The following LRMDA variants were observed in gnomAD, a reference collection of about 807,000 sequenced individuals.
The protein encoded by LRMDA is leucine rich melanocyte differentiation associated, also known as leucine-rich melanocyte differentiation-associated protein.
In LRMDA, 18 loss-of-function variants were observed where a neutral mutation model predicts 29.8. The ratio of observed to expected loss-of-function variants is 0.60; its 90% confidence interval spans 0.42 to 0.90. The LOEUF is 0.90. LRMDA is among the 40% of genes least tolerant of loss of function. LRMDA has a pLI of 0.00. For synonymous variants in LRMDA, 125 were observed against 109.4 expected (o/e 1.14, Z -0.89); for missense variants, 273 against 273.9 (o/e 1.00, Z 0.02).
intron 6 of LRMDA, among the ~76,000 whole-genome samples, chr10:76,430,955 A>G (rs1451508514): frequency 2.0e-5 from 3 of 152,148 alleles, no homozygotes; most frequent in African/African-American, 7.2e-5. Context: ...TTTCCTAATG[A>G]ATTAAAAACC....
chr10:76,012,429 T>G (rs969067310), intron 2 of LRMDA, among the ~76,000 whole-genome samples: 15 of 152,254 alleles, frequency 9.9e-5, no homozygotes, highest in Admixed American at 9.2e-4. Flanking sequence ...TTCATTTCAT[T>G]GTGAATTTGA....
At chr10:75,917,513 C>T (rs770353328) in intron 2 of LRMDA, among the ~76,000 whole-genome samples, 1 of 152,192 alleles carries the variant, frequency 6.6e-6, no homozygotes, top group African/African-American at 2.4e-5. Context: ...AAGAGCCGTT[C>T]TCTGGTATAA....
At chr10:76,234,592 A>C (rs1852117646) in intron 5 of LRMDA, among the ~76,000 whole-genome samples, 1 of 152,200 alleles carries the variant, frequency 6.6e-6, no homozygotes, top group South Asian at 2.1e-4. Flanking sequence ...TACATTGGAA[A>C]TCTGTTGTTT....
chr10:76,229,608 GA>G (rs144641147), intron 5 of LRMDA, among the ~76,000 whole-genome samples: 1,581 of 152,254 alleles, frequency 0.01, 27 homozygotes, highest in African/African-American at 0.032. Context: ...GCAAGAGGTA[GA>G]GGGGTGAGAG....
chr10:76,026,346 A>G (rs1029145016), intron 2 of LRMDA, among the ~76,000 whole-genome samples: 2 of 152,206 alleles, frequency 1.3e-5, no homozygotes, highest in African/African-American at 4.8e-5. Context: ...CAGGTTCTAA[A>G]TGTGGCCTGG....
rs185273169 is a variant in LRMDA, at chr10:76,273,445, G to A, written c.517-50956G>A. Among the ~76,000 whole-genome samples, 266 of 152,194 alleles carry A rather than the reference G, an allele frequency of 1.7e-3. 2 individuals carry two copies. The highest frequency in any genetic ancestry group is 6.8e-3 in the Middle Eastern group (2 of 294). On this transcript the variant is annotated intron_variant, in intron 5 of 6. Coordinates refer to ENST00000611255, the MANE Select transcript of LRMDA (RefSeq NM_001305581.2). ...ATCATTGTAACCATTAGACACCAAC[G>A]ATTTCTTTCAGAGTTTGTTAAAATC... is the stretch of plus-strand genomic sequence containing the variant.
At chr10:76,201,069 T>A (rs1851418213) in intron 5 of LRMDA, among the ~76,000 whole-genome samples, 1 of 141,224 alleles carries the variant, frequency 7.1e-6, no homozygotes, top group Non-Finnish European at 1.5e-5. Context: ...GTATTATTAT[T>A]TTTATTTATT....
chr10:75,798,843 T>A (rs1043689836), intron 2 of LRMDA, among the ~76,000 whole-genome samples: 1 of 152,154 alleles, frequency 6.6e-6, no homozygotes, highest in Non-Finnish European at 1.5e-5. Context: ...CATTACATGT[T>A]TTGAAGCATC....
intron 2 of LRMDA, among the ~76,000 whole-genome samples, chr10:75,470,256 G>T (rs188419132): frequency 2.0e-4 from 31 of 152,322 alleles, no homozygotes; most frequent in East Asian, 9.6e-4. Context: ...CAGCACTTTG[G>T]GAGGCCGAGG....
intron 2 of LRMDA, among the ~76,000 whole-genome samples, chr10:75,490,329 G>A (rs1002797464): frequency 5.0e-5 from 5 of 99,658 alleles, no homozygotes; most frequent in African/African-American, 2.1e-4. Context: ...TATATGACAT[G>A]TACACATACA....
At chr10:76,120,855 C>T (rs1236427525) in intron 5 of LRMDA, among the ~76,000 whole-genome samples, 1 of 146,330 alleles carries the variant, frequency 6.8e-6, no homozygotes, top group Non-Finnish European at 1.5e-5. Context: ...TCCAAAGAGA[C>T]GGAGTCTCGC....
At chr10:75,635,658 G>A (rs1455866180) in intron 2 of LRMDA, among the ~76,000 whole-genome samples, 1 of 152,074 alleles carries the variant, frequency 6.6e-6, no homozygotes, top group Non-Finnish European at 1.5e-5. Flanking sequence ...AGATGCATTT[G>A]ATTTGAAGGA....
At chr10:76,111,564 ATTTG>A (rs1319428093) in intron 5 of LRMDA, among the ~76,000 whole-genome samples, 3 of 152,256 alleles carry the variant, frequency 2.0e-5, no homozygotes, top group East Asian at 3.8e-4. Flanking sequence ...AGTAAATTGA[ATTTG>A]TTTAATGTAA....
chr10:75,949,679 C>T (rs902203679), intron 2 of LRMDA, among the ~76,000 whole-genome samples: 1 of 152,114 alleles, frequency 6.6e-6, no homozygotes, highest in Non-Finnish European at 1.5e-5. Flanking sequence ...TGGGCACCCT[C>T]GATTTGGAGC....
chr10:75,531,448 C>G (rs1845477532), intron 2 of LRMDA, among the ~76,000 whole-genome samples: 1 of 152,178 alleles, frequency 6.6e-6, no homozygotes, highest in Non-Finnish European at 1.5e-5. Context: ...CTGAGCAAAC[C>G]TGAGGGTCTC....
At chr10:76,210,274 G>A (rs910278202) in intron 5 of LRMDA, among the ~76,000 whole-genome samples, 2 of 152,172 alleles carry the variant, frequency 1.3e-5, no homozygotes, top group Non-Finnish European at 2.9e-5. Flanking sequence ...CAAGCAGGGG[G>A]TGGAGGTGGG....
intron 5 of LRMDA, among the ~76,000 whole-genome samples, chr10:76,136,215 AG>A (rs760668619): frequency 6.6e-6 from 1 of 152,216 alleles, no homozygotes; most frequent in Non-Finnish European, 1.5e-5. Flanking sequence ...GGGACACAAA[AG>A]TTTTAGCAAA....
intron 2 of LRMDA, among the ~76,000 whole-genome samples, chr10:75,612,920 A>C (rs1841050711): frequency 6.6e-6 from 1 of 152,028 alleles, no homozygotes; most frequent in Non-Finnish European, 1.5e-5. Context: ...CTCATGTCAA[A>C]AGACTTGGCC....
intron 2 of LRMDA, among the ~76,000 whole-genome samples, chr10:75,637,320 T>C (rs1234121791): frequency 6.6e-6 from 1 of 152,214 alleles, no homozygotes; most frequent in Non-Finnish European, 1.5e-5. Context: ...CAAGGAAAGT[T>C]GTGCTGTTGC....
Sources: allele counts gnomAD v4.1 joint callset (sites outside exome capture counted in the v4.1 genomes callset), GRCh38; gene constraint gnomAD v4.1.1; transcripts MANE v1.5; gene names NCBI Gene and HGNC (gene_info 2026-07-23, HGNC 2026-07-21).